C4orf50: variants seen among roughly 807,000 people sequenced by gnomAD.
C4orf50 encodes the protein uncharacterized protein C4orf50.
C4orf50 carries 80 observed loss-of-function variants against 77.2 expected under a neutral mutation model. The observed-to-expected ratio is 1.04, with a 90% CI of 0.87 to 1.25. C4orf50 has a LOEUF of 1.25. Ranked by LOEUF, C4orf50 falls within the 50% of genes most tolerant of loss-of-function variation. The probability of loss-of-function intolerance (pLI) is 0.00; values close to 1 mark genes in which losing one functional copy is unlikely to be tolerated. For missense variants in C4orf50, 1,257 were observed against 1,152.9 expected, an observed-to-expected ratio of 1.09 and a Z score of -1.31; for synonymous variants, 532 against 465.3, an observed-to-expected ratio of 1.14 and a Z score of -1.84.
downstream of C4orf50, among the ~76,000 whole-genome samples, chr4:5,954,433 G>A (rs1369579220): frequency 6.6e-6 from 1 of 152,140 alleles, no homozygotes; most frequent in Admixed American, 6.5e-5. The surrounding 1 kb of genome is among the most constrained non-coding windows in gnomAD (Gnocchi z 4.7). Flanking sequence ...TGGCTGGAGG[G>A]CCCCAGGGAG....
intron 26 of C4orf50, among the ~76,000 whole-genome samples, chr4:5,993,803 T>C (rs1406822678): frequency 6.7e-6 from 1 of 148,594 alleles, no homozygotes; most frequent in African/African-American, 2.5e-5. Context: ...GGTGACAGAG[T>C]GAGACTCCAT....
intron 28 of C4orf50, among the ~76,000 whole-genome samples, chr4:5,984,174 A>T (rs2108784647): frequency 6.6e-6 from 1 of 152,364 alleles, no homozygotes; most frequent in South Asian, 2.1e-4. Context: ...GAATAAGATG[A>T]TCTGCTGATC....
At chr4:5,931,681 C>T (rs1009500685) in intron 7 of C4orf50, among the ~76,000 whole-genome samples, 2 of 152,158 alleles carry the variant, frequency 1.3e-5, no homozygotes, top group African/African-American at 4.8e-5. Flanking sequence ...GGGAGGCCCA[C>T]TCCACCCTCT....
chr4:5,983,473 ATGCTC>A (rs1720707074), intron 28 of C4orf50, among the ~76,000 whole-genome samples: 1 of 152,156 alleles, frequency 6.6e-6, no homozygotes, highest in Non-Finnish European at 1.5e-5. Flanking sequence ...TCTACCTGGA[ATGCTC>A]TTCCTCGCTG....
chr4:5,935,702 C>T (rs888424826), intron 7 of C4orf50, among the ~76,000 whole-genome samples: 2 of 147,616 alleles, frequency 1.4e-5, no homozygotes, highest in African/African-American at 5.0e-5. Context: ...AGGAGAATCA[C>T]TTGAACCCGG....
At chr4:5,934,132 G>C (rs75529930) in intron 7 of C4orf50, among the ~76,000 whole-genome samples, 3 of 151,820 alleles carry the variant, frequency 2.0e-5, no homozygotes, top group African/African-American at 7.3e-5. Context: ...CCTGCACCTC[G>C]GTCTCCTCAT....
At position 5,992,981 on chromosome 4, in the gene C4orf50, G is replaced by GCCAT. The variant is rs1721376962; in HGVS notation, c.1094-55_1094-52dup. Reference sequence around the variant, plus strand: ...TTACAAAGATGCTCCCAGGGGCTCTGCCATGATCGCCTCTAGGGACCACGT... The same window carrying GCCAT: ...TTACAAAGATGCTCCCAGGGGCTCTGCCATCCATGATCGCCTCTAGGGACCACGT... On this transcript the variant is annotated intron_variant, in intron 26 of 33. Coordinates refer to ENST00000531445, the Ensembl canonical transcript of C4orf50. The surrounding 1 kb of genome is among the most constrained non-coding windows in gnomAD (Gnocchi z 5.0). 2 of 398,342 alleles carry GCCAT rather than the reference G, an allele frequency of 5.0e-6. No homozygotes were observed. The highest frequency in any genetic ancestry group is 4.1e-5 in the African/African-American group (2 of 48,572). The allele number at this position is 398,342 out of a possible 1,614,324, so 24.7% of individuals were successfully genotyped here.
chr4:5,955,708 C>T (rs562158088), downstream of C4orf50, among the ~76,000 whole-genome samples: 4 of 152,324 alleles, frequency 2.6e-5, no homozygotes, highest in African/African-American at 9.6e-5. The surrounding 1 kb of genome is among the most constrained non-coding windows in gnomAD (Gnocchi z 5.1). Context: ...AGCCTCCCAG[C>T]TGAGGTCACT....
intron 7 of C4orf50, among the ~76,000 whole-genome samples, chr4:5,949,984 C>A (rs1421345435): frequency 1.1e-5 from 1 of 87,006 alleles, no homozygotes. Flanking sequence ...AGTGAAACTC[C>A]ATCTCAAAAA....
rs1370775425 is a variant in C4orf50 at position 5,932,045 on chromosome 4, G to GC, written c.*2474+24855dup. The stretch of plus-strand genomic sequence containing the variant: ...CCCAAAATGCTAAGCTCTTCCCAAC[G>GC]CCCCCCCGCCCCCCACCCCTGCCAA... On this transcript the variant is annotated intron_variant, in intron 7 of 7. Transcript: ENST00000324058. This position sits in a 1 kb window ranked among gnomAD's most constrained non-coding sequence, Gnocchi z 4.2. 1.2e-4 allele frequency among the ~76,000 whole-genome samples: 16 copies of GC among 134,798 alleles called. No homozygotes were observed. Among genetic ancestry groups the GC allele is most frequent in the Non-Finnish European group, 1.8e-4 (11 of 62,814 alleles). 88.4% of individuals were successfully genotyped at this position (134,798 alleles called of 152,430 possible).
At chr4:5,942,315 G>A (rs1288321498) in intron 7 of C4orf50, among the ~76,000 whole-genome samples, 1 of 152,172 alleles carries the variant, frequency 6.6e-6, no homozygotes, top group Non-Finnish European at 1.5e-5. Context: ...AAGGGCTTGG[G>A]GGTCATACAG....
In C4orf50 at chr4:5,916,682, G is replaced by A. The variant is rs1717041226; in HGVS notation, c.*2475-18494C>T. On this transcript the variant is annotated intron_variant, in intron 7 of 7. Transcript: ENST00000324058. This position sits in a 1 kb window ranked among gnomAD's most constrained non-coding sequence, Gnocchi z 4.4. ...AGTAGGAGTGAGGGAGCAGGGAGGT[G>A]AGACAGGGAGGGCAGAGAAGACAAT... Among the ~76,000 whole-genome samples, 2 of 152,192 alleles carry A rather than the reference G, an allele frequency of 1.3e-5. No homozygotes were observed. Among genetic ancestry groups the A allele is most frequent in the Admixed American group, 1.3e-4 (2 of 15,278 alleles).
intron 28 of C4orf50, among the ~76,000 whole-genome samples, chr4:5,987,987 G>A (rs557663173): frequency 6.6e-6 from 1 of 152,260 alleles, no homozygotes; most frequent in South Asian, 2.1e-4. Context: ...TTAGTACTTG[G>A]AGCACTTGAA....
exon 28 of C4orf50, chr4:5,989,579 C>T: frequency 1.3e-6 from 2 of 1,536,124 alleles, no homozygotes; most frequent in Non-Finnish European, 8.7e-7. Context: ...CCCCTGCTGC[C>T]CGGCTGCAGG....
At chr4:5,962,578 C>A (rs1719329059) in intron 33 of C4orf50, among the ~76,000 whole-genome samples, 1 of 152,218 alleles carries the variant, frequency 6.6e-6, no homozygotes, top group Non-Finnish European at 1.5e-5. Flanking sequence ...CTCCTCTCAA[C>A]CCCGCCCCCA....
At chr4:5,965,517 CA>C (rs1241092048) in intron 32 of C4orf50, among the ~76,000 whole-genome samples, 3 of 152,168 alleles carry the variant, frequency 2.0e-5, no homozygotes, top group African/African-American at 7.2e-5. Flanking sequence ...AAATGTCCAA[CA>C]AAAAAATAAC....
intron 25 of C4orf50, among the ~76,000 whole-genome samples, chr4:5,999,444 C>T (rs578018810): frequency 6.6e-6 from 1 of 152,184 alleles, no homozygotes; most frequent in Admixed American, 6.5e-5. Context: ...AGTCGGCTTT[C>T]GTGATGATTT....
rs1012109233 is a variant in C4orf50 at position 5,905,263 on chromosome 4, G to C, written c.*2475-7075C>G. On this transcript the variant is annotated intron_variant, in intron 7 of 7. Coordinates refer to the C4orf50 transcript ENST00000324058. The surrounding 1 kb of genome is among the most constrained non-coding windows in gnomAD (Gnocchi z 5.4). ...TCAACAGCCATCTCTTGGGTCCCCA[G>C]GTTGGTATCATACAGAGTAGAAGTA... 6.6e-6 allele frequency: 1 copy of C among 152,224 alleles called. No individual in the cohort carries two copies. The highest frequency in any genetic ancestry group is 1.5e-5 in the Non-Finnish European group (1 of 68,058). The allele number at this position is 152,224 out of a possible 1,614,324, so 9.4% of individuals were successfully genotyped here. A position where few individuals can be genotyped will look rare whatever the true frequency, so the allele number is the denominator to read the frequency against.
intron 28 of C4orf50, among the ~76,000 whole-genome samples, chr4:5,983,275 A>G (rs4688950): frequency 0.25 from 38,305 of 152,098 alleles, 5,506 homozygotes; most frequent in East Asian, 0.65. Flanking sequence ...TTGGCTTCCT[A>G]CCACATCTAG....
Sources: gnomAD v4.1 joint callset for allele counts (sites outside exome capture counted in the v4.1 genomes callset) on GRCh38, gnomAD v4.1.1 for gene constraint, Gnocchi (gnomAD v3.1) non-coding constraint, MANE v1.5 for transcripts, NCBI Gene and HGNC (gene_info 2026-07-23, HGNC 2026-07-21) for gene names.